The following SCFD2 variants were observed in gnomAD, a reference collection of about 807,000 sequenced individuals.
SCFD2 encodes sec1 family domain-containing protein 2.
In SCFD2, 54 loss-of-function variants were observed where a neutral mutation model predicts 58.9. The ratio of observed to expected loss-of-function variants is 0.92; its 90% CI spans 0.74 to 1.15. The LOEUF (loss-of-function observed/expected upper bound fraction) is 1.15, where lower values mean the gene tolerates loss of function less well. SCFD2 is among the 50% of genes most tolerant of loss of function. The pLI, the probability that SCFD2 is intolerant of heterozygous loss-of-function variation, is 0.00. For missense variants in SCFD2, 805 were observed against 836.6 expected (o/e 0.96, Z 0.47); for synonymous variants, 321 against 335.9 (o/e 0.96, Z 0.49).
chr4:53,253,807 T>A (rs554862616), intron 4 of SCFD2, among the ~76,000 whole-genome samples: 4 of 147,650 alleles, frequency 2.7e-5, no homozygotes, highest in African/African-American at 1.0e-4. Flanking sequence ...AGTTAATGAG[T>A]GCAGCACACC....
intron 5 of SCFD2, among the ~76,000 whole-genome samples, chr4:53,041,502 G>T (rs141357556): frequency 6.6e-6 from 1 of 152,102 alleles, no homozygotes; most frequent in African/African-American, 2.4e-5. Context: ...TTTAAATCAG[G>T]AGATGAGATG....
intron 5 of SCFD2, among the ~76,000 whole-genome samples, chr4:53,118,446 CAA>C (rs1018433427): frequency 2.0e-5 from 3 of 151,992 alleles, no homozygotes; most frequent in African/African-American, 7.3e-5. Context: ...GATTCAATCA[CAA>C]AGAGAGATAA....
chr4:53,348,717 AT>A (rs200497451), intron 2 of SCFD2, among the ~76,000 whole-genome samples: 1,698 of 141,438 alleles, frequency 0.012, 12 homozygotes, highest in African/African-American at 0.031. Flanking sequence ...TTATGACCAT[AT>A]TTTTTTTTTT....
At chr4:53,186,955 T>A (rs898210702) in intron 4 of SCFD2, among the ~76,000 whole-genome samples, 4 of 151,936 alleles carry the variant, frequency 2.6e-5, no homozygotes, top group Admixed American at 2.6e-4. Context: ...ATGTCTTCCA[T>A]AAACATTTCA....
At chr4:53,202,110 T>A (rs1728262108) in intron 4 of SCFD2, among the ~76,000 whole-genome samples, 2 of 152,266 alleles carry the variant, frequency 1.3e-5, no homozygotes, top group Admixed American at 1.3e-4. Context: ...CATGCCTATG[T>A]CCTGAATGGT....
chr4:53,182,750 C>T (rs1290667362), intron 4 of SCFD2, among the ~76,000 whole-genome samples: 1 of 152,142 alleles, frequency 6.6e-6, no homozygotes, highest in East Asian at 1.9e-4. Flanking sequence ...TTGCAACCTA[C>T]TCATCTGACA....
intron 3 of SCFD2, among the ~76,000 whole-genome samples, chr4:53,276,469 A>C (rs912117579): frequency 1.3e-5 from 2 of 151,850 alleles, no homozygotes; most frequent in African/African-American, 4.8e-5. Flanking sequence ...TTTTTTTTTA[A>C]TTTTTATTTT....
chr4:53,316,778 A>T (rs1448762012), intron 2 of SCFD2, among the ~76,000 whole-genome samples: 1 of 152,122 alleles, frequency 6.6e-6, no homozygotes, highest in Non-Finnish European at 1.5e-5. Flanking sequence ...AGTGATACAT[A>T]CTCAGGTCAT....
At chr4:53,343,374 A>C (rs1025040238) in intron 2 of SCFD2, among the ~76,000 whole-genome samples, 3 of 152,222 alleles carry the variant, frequency 2.0e-5, no homozygotes, top group African/African-American at 7.2e-5. Context: ...AAATTCCTAG[A>C]CACTTACACC....
chr4:53,025,778 A>G (rs527710790), intron 5 of SCFD2, among the ~76,000 whole-genome samples: 1 of 152,348 alleles, frequency 6.6e-6, no homozygotes, highest in South Asian at 2.1e-4. Context: ...CAGCACACAC[A>G]CAACATTTAT....
intron 4 of SCFD2, chr4:53,273,561 G>A (rs1468695245): frequency 7.4e-6 from 2 of 271,850 alleles, no homozygotes; most frequent in African/African-American, 2.2e-5. Context: ...AAAATTGAAA[G>A]AGGTGTCCAG....
intron 7 of SCFD2, among the ~76,000 whole-genome samples, chr4:52,901,291 C>T (rs1007443088): frequency 1.1e-4 from 17 of 152,310 alleles, no homozygotes; most frequent in East Asian, 3.9e-4. Context: ...GCTCCACCCC[C>T]GGCTCTTGAT....
intron 6 of SCFD2, among the ~76,000 whole-genome samples, chr4:52,908,034 T>C (rs1719390108): frequency 6.6e-6 from 1 of 152,212 alleles, no homozygotes; most frequent in South Asian, 2.1e-4. Context: ...ATTTACAATG[T>C]GCTGTCAATA....
At chr4:53,032,617 CAAAACA>C (rs1388788094) in intron 5 of SCFD2, among the ~76,000 whole-genome samples, 1 of 151,640 alleles carries the variant, frequency 6.6e-6, no homozygotes, top group South Asian at 2.1e-4. Flanking sequence ...AAATGTAAAG[CAAAACA>C]AAAACAAAAA....
intron 4 of SCFD2, among the ~76,000 whole-genome samples, chr4:53,182,499 A>C (rs1727602360): frequency 6.6e-6 from 1 of 152,254 alleles, no homozygotes; most frequent in Non-Finnish European, 1.5e-5. Context: ...CACAAAAATG[A>C]ATTCAAGATG....
intron 7 of SCFD2, among the ~76,000 whole-genome samples, chr4:52,900,877 G>A (rs1719177681): frequency 6.6e-6 from 1 of 152,200 alleles, no homozygotes; most frequent in South Asian, 2.1e-4. Context: ...CCGCCTTGCA[G>A]TTTGATCTCA....
chr4:53,182,872 C>T (rs1727619389), intron 4 of SCFD2, among the ~76,000 whole-genome samples: 1 of 151,752 alleles, frequency 6.6e-6, no homozygotes, highest in Admixed American at 6.6e-5. Context: ...CAAAAGAAGA[C>T]ATTAATGCAG....
At chr4:52,895,880 T>G (rs1037925142) in intron 7 of SCFD2, among the ~76,000 whole-genome samples, 2 of 152,250 alleles carry the variant, frequency 1.3e-5, no homozygotes, top group Admixed American at 1.3e-4. Context: ...GATATCTCAC[T>G]GTGGTTTTGA....
intron 6 of SCFD2, among the ~76,000 whole-genome samples, chr4:52,908,444 G>C (rs917134232): frequency 5.9e-5 from 9 of 152,128 alleles, no homozygotes; most frequent in Non-Finnish European, 1.3e-4. Flanking sequence ...ACGAAGTCTG[G>C]GGCATGAAGG....
Sources: allele counts gnomAD v4.1 joint callset (sites outside exome capture counted in the v4.1 genomes callset), GRCh38; gene constraint gnomAD v4.1.1; transcripts MANE v1.5; gene names NCBI Gene and HGNC (gene_info 2026-07-23, HGNC 2026-07-21).